Variants in GPC6 observed in about 807,000 individuals in gnomAD.
The protein encoded by GPC6 is glypican 6.
In GPC6, 14 loss-of-function variants were observed where a neutral mutation model predicts 55.2. The ratio of observed to expected loss-of-function variants is 0.25; its 90% confidence interval spans 0.17 to 0.40. GPC6 has a LOEUF of 0.40. GPC6 is among the 10% of genes least tolerant of loss of function. The pLI is 1.00. For synonymous variants in GPC6, 278 were observed against 259.6 expected (o/e 1.07, Z -0.68); for missense variants, 641 against 708.5 (o/e 0.90, Z 1.08).
intron 2 of GPC6, among the ~76,000 whole-genome samples, chr13:93,673,088 G>T (rs1021938942): frequency 9.2e-5 from 14 of 152,140 alleles, no homozygotes; most frequent in African/African-American, 2.9e-4. Flanking sequence ...CACATAGACT[G>T]AAAAGTTAGT....
At chr13:94,224,487 G>A (rs182068190) in intron 4 of GPC6, among the ~76,000 whole-genome samples, 14 of 151,896 alleles carry the variant, frequency 9.2e-5, no homozygotes, top group African/African-American at 3.1e-4. Flanking sequence ...ACATTATTAA[G>A]TGAAGAAAAA....
intron 2 of GPC6, among the ~76,000 whole-genome samples, chr13:93,770,807 T>G (rs137865567): frequency 6.6e-6 from 1 of 152,258 alleles, no homozygotes; most frequent in East Asian, 1.9e-4. Context: ...ACCCACTTCC[T>G]CTAGAAATAA....
intron 1 of GPC6, among the ~76,000 whole-genome samples, chr13:93,406,985 GAA>G (rs1876317703): frequency 6.6e-6 from 1 of 152,116 alleles, no homozygotes; most frequent in Non-Finnish European, 1.5e-5. Flanking sequence ...TTTTTAAAAA[GAA>G]AATTTAAATG....
chr13:94,374,395 A>C (rs1566733159), intron 6 of GPC6, among the ~76,000 whole-genome samples: 2 of 150,408 alleles, frequency 1.3e-5, no homozygotes, highest in Admixed American at 6.6e-5. Context: ...GGAAAACAAA[A>C]AAAGGCAGGG....
At chr13:93,908,129 A>G (rs539018221) in intron 3 of GPC6, among the ~76,000 whole-genome samples, 1 of 152,306 alleles carries the variant, frequency 6.6e-6, no homozygotes, top group South Asian at 2.1e-4. Context: ...TCTCCATAAA[A>G]ATTAGCCAGT....
At chr13:93,500,845 C>T (rs1183770644) in intron 1 of GPC6, among the ~76,000 whole-genome samples, 4 of 152,098 alleles carry the variant, frequency 2.6e-5, no homozygotes, top group Non-Finnish European at 5.9e-5. Flanking sequence ...AACTGTTGCC[C>T]AATCTCTCCC....
chr13:93,944,193 TA>T (rs1566615614), intron 3 of GPC6, among the ~76,000 whole-genome samples: 8 of 149,864 alleles, frequency 5.3e-5, no homozygotes, highest in Non-Finnish European at 1.0e-4. Flanking sequence ...TTTATTTATT[TA>T]TTTATTTATT....
At chr13:93,929,177 A>C (rs1878023456) in intron 3 of GPC6, among the ~76,000 whole-genome samples, 1 of 152,198 alleles carries the variant, frequency 6.6e-6, no homozygotes, top group Non-Finnish European at 1.5e-5. Context: ...CTTTCAGGTC[A>C]AAAGCCAGAA....
chr13:93,960,810 T>C (rs1191275525), intron 3 of GPC6, among the ~76,000 whole-genome samples: 8 of 90,586 alleles, frequency 8.8e-5, no homozygotes, highest in Non-Finnish European at 1.7e-4. Context: ...AATTTTTTTT[T>C]TTTTCTTTTT....
intron 2 of GPC6, among the ~76,000 whole-genome samples, chr13:93,591,459 G>A (rs1205112460): frequency 8.2e-6 from 1 of 121,670 alleles, no homozygotes; most frequent in Non-Finnish European, 1.8e-5. Flanking sequence ...GCGAGACTCC[G>A]TCTCAAAGGA....
At chr13:93,954,590 T>C (rs1357469360) in intron 3 of GPC6, among the ~76,000 whole-genome samples, 1 of 152,164 alleles carries the variant, frequency 6.6e-6, no homozygotes, top group East Asian at 1.9e-4. Flanking sequence ...GTGACCTTTT[T>C]CCTACAACTC....
At chr13:93,950,002 AC>A (rs1879181819) in intron 3 of GPC6, among the ~76,000 whole-genome samples, 1 of 152,184 alleles carries the variant, frequency 6.6e-6, no homozygotes, top group African/African-American at 2.4e-5. Context: ...TGGACTACAG[AC>A]ATGAGCCGCT....
At chr13:93,773,439 G>A (rs1450765859) in intron 2 of GPC6, among the ~76,000 whole-genome samples, 1 of 152,096 alleles carries the variant, frequency 6.6e-6, no homozygotes, top group African/African-American at 2.4e-5. Context: ...TGTCTATTCA[G>A]CTTCAGTATG....
intron 3 of GPC6, among the ~76,000 whole-genome samples, chr13:93,887,357 A>G (rs764438506): frequency 3.9e-5 from 6 of 152,066 alleles, no homozygotes; most frequent in Non-Finnish European, 7.4e-5. Flanking sequence ...ACTTAAGTAT[A>G]TATCTAAAAA....
chr13:93,360,712 G>A (rs1881014820), intron 1 of GPC6, among the ~76,000 whole-genome samples: 1 of 152,142 alleles, frequency 6.6e-6, no homozygotes. Flanking sequence ...GTATGTTGAT[G>A]AGTTATCAGT....
intron 7 of GPC6, among the ~76,000 whole-genome samples, chr13:94,386,359 CAAAAAAA>C (rs35238644): frequency 8.4e-6 from 1 of 118,470 alleles, no homozygotes; most frequent in South Asian, 2.8e-4. Flanking sequence ...GACTCTGTCT[CAAAAAAA>C]AAAAAAGAAA....
chr13:93,990,299 T>C (rs978711122), intron 3 of GPC6, among the ~76,000 whole-genome samples: 6 of 152,090 alleles, frequency 3.9e-5, no homozygotes, highest in African/African-American at 1.4e-4. Context: ...CTGCCCTTCA[T>C]GTGCAGTGAA....
chr13:93,924,331 G>A (rs9524280), intron 3 of GPC6, among the ~76,000 whole-genome samples: 39 of 152,226 alleles, frequency 2.6e-4, no homozygotes, highest in Non-Finnish European at 4.3e-4. Flanking sequence ...GGACATTCAG[G>A]AGTGGCAACA....
chr13:93,910,061 T>TTGTGTGTGTG (rs113288409), intron 3 of GPC6, among the ~76,000 whole-genome samples: 49 of 150,140 alleles, frequency 3.3e-4, no homozygotes, highest in African/African-American at 1.2e-3. Flanking sequence ...GCTCGTGTGT[T>TTGTGTGTGTG]TGTGTGTGTG....
Sources: allele counts gnomAD v4.1 joint callset (sites outside exome capture counted in the v4.1 genomes callset), GRCh38; gene constraint gnomAD v4.1.1; transcripts MANE v1.5; gene names NCBI Gene and HGNC (gene_info 2026-07-23, HGNC 2026-07-21).